The following SOX6 variants were observed in gnomAD, a reference collection of about 807,000 sequenced individuals.
The protein encoded by SOX6 is transcription factor SOX-6.
Under a neutral mutation model 97.8 loss-of-function variants are expected in SOX6, and 11 were observed. The observed-to-expected ratio is 0.11, with a 90% CI of 0.07 to 0.19. The LOEUF is 0.19. SOX6 is among the 10% of genes least tolerant of loss of function. The pLI is 1.00. For synonymous variants in SOX6, 360 were observed against 371.4 expected (o/e 0.97, Z 0.35); for missense variants, 810 against 1,039.5 (o/e 0.78, Z 3.04).
At chr11:16,124,395 T>A (rs1042545825) in intron 6 of SOX6, among the ~76,000 whole-genome samples, 2 of 151,918 alleles carry the variant, frequency 1.3e-5, no homozygotes, top group African/African-American at 4.8e-5. Context: ...ATAATAAATG[T>A]AAGTTGATAA....
chr11:16,124,497 T>A (rs1445152714), intron 6 of SOX6, among the ~76,000 whole-genome samples: 1 of 151,948 alleles, frequency 6.6e-6, no homozygotes, highest in Non-Finnish European at 1.5e-5. Flanking sequence ...CTATCTTGGA[T>A]AGGGATGGCC....
At chr11:16,521,189 C>T (rs554938254) in intron 4 of SOX6, among the ~76,000 whole-genome samples, 22 of 152,310 alleles carry the variant, frequency 1.4e-4, no homozygotes, top group Non-Finnish European at 2.9e-4. Flanking sequence ...CAAGTGGGTC[C>T]CTGACCCCTG....
intron 1 of SOX6, among the ~76,000 whole-genome samples, chr11:16,412,757 G>GC (rs1308927768): frequency 6.6e-6 from 1 of 152,170 alleles, no homozygotes; most frequent in Non-Finnish European, 1.5e-5. Flanking sequence ...TCTCAGGCAG[G>GC]CTCTCCCCTT....
intron 9 of SOX6, among the ~76,000 whole-genome samples, chr11:16,087,981 T>C (rs1441440067): frequency 1.4e-5 from 2 of 147,662 alleles, no homozygotes; most frequent in African/African-American, 4.9e-5. Flanking sequence ...AACCACACCC[T>C]TGTGGGACAG....
At chr11:16,478,896 G>A (rs1030643051), upstream of SOX6, among the ~76,000 whole-genome samples, 4 of 152,158 alleles carry the variant, frequency 2.6e-5, no homozygotes, top group East Asian at 3.8e-4. Flanking sequence ...AAATCATTAC[G>A]TGTTCTGGAA....
intron 15 of SOX6, among the ~76,000 whole-genome samples, chr11:15,980,156 C>T (rs1341622891): frequency 6.6e-6 from 1 of 151,888 alleles, no homozygotes; most frequent in East Asian, 1.9e-4. Context: ...AATGGTTATT[C>T]TCATAAATAA....
At chr11:16,136,150 C>G (rs1033815411) in intron 6 of SOX6, among the ~76,000 whole-genome samples, 3 of 152,124 alleles carry the variant, frequency 2.0e-5, no homozygotes, top group Non-Finnish European at 2.9e-5. Flanking sequence ...TCCCAAGTAG[C>G]TGGGACTACA....
chr11:16,417,350 T>G (rs1481219461), intron 1 of SOX6, among the ~76,000 whole-genome samples: 1 of 152,062 alleles, frequency 6.6e-6, no homozygotes, highest in Non-Finnish European at 1.5e-5. Flanking sequence ...TGCCACTAAT[T>G]CAGCAAAAAT....
intron 4 of SOX6, among the ~76,000 whole-genome samples, chr11:16,195,937 GA>G (rs1388308189): frequency 3.3e-5 from 5 of 152,126 alleles, no homozygotes; most frequent in African/African-American, 9.7e-5. Context: ...AGAAGTCTAG[GA>G]AGTGAGTCTA....
Position 16,433,013 on chromosome 11 carries a change from T to G in SOX6, c.-5+43302A>C, listed in dbSNP as rs181219663. The stretch of plus-strand genomic sequence containing the variant: ...AAGGTTTATAGGGCTACATGATTTC[T>G]GCTTTGGGATTCAAAATGACATATC... On this transcript the variant is annotated intron_variant, in intron 1 of 15. Coordinates refer to the SOX6 transcript ENST00000396356. 4.1e-4 allele frequency among the ~76,000 whole-genome samples: 62 copies of G among 152,184 alleles called. No individual in the cohort carries two copies. The East Asian group carries it at 0.01, about 25-fold the overall frequency.
At chr11:16,405,676 C>T (rs1858669763) in intron 1 of SOX6, among the ~76,000 whole-genome samples, 1 of 152,000 alleles carries the variant, frequency 6.6e-6, no homozygotes, top group South Asian at 2.1e-4. Context: ...GAACCATGCC[C>T]CAACAAAACC....
At chr11:16,029,104 G>A (rs1855288825) in intron 12 of SOX6, among the ~76,000 whole-genome samples, 1 of 152,280 alleles carries the variant, frequency 6.6e-6, no homozygotes, top group South Asian at 2.1e-4. Flanking sequence ...TGGTCTAAAA[G>A]CAAGTGCTTC....
chr11:16,302,714 C>G (rs939706283), intron 3 of SOX6, among the ~76,000 whole-genome samples: 1 of 151,602 alleles, frequency 6.6e-6, no homozygotes, highest in African/African-American at 2.4e-5. Flanking sequence ...GGATTACAGG[C>G]GTGCGCCACC....
At chr11:15,989,717 A>G (rs1167814227) in intron 13 of SOX6, among the ~76,000 whole-genome samples, 1 of 152,170 alleles carries the variant, frequency 6.6e-6, no homozygotes, top group Non-Finnish European at 1.5e-5. Context: ...TTCAACCTTC[A>G]ATCATGTTTC....
chr11:16,540,452 T>A (rs1267222998), intron 4 of SOX6, among the ~76,000 whole-genome samples: 1 of 152,022 alleles, frequency 6.6e-6, no homozygotes, highest in Non-Finnish European at 1.5e-5. Flanking sequence ...TTCAACATAG[T>A]GTTGGAAGTT....
chr11:16,047,944 T>C (rs1459793984), intron 11 of SOX6, among the ~76,000 whole-genome samples: 1 of 152,092 alleles, frequency 6.6e-6, no homozygotes, highest in Non-Finnish European at 1.5e-5. Flanking sequence ...AAAGGACATC[T>C]CTATCCAATA....
chr11:16,594,369 T>G (rs1423608640), intron 4 of SOX6, among the ~76,000 whole-genome samples: 1 of 152,190 alleles, frequency 6.6e-6, no homozygotes, highest in Non-Finnish European at 1.5e-5. Context: ...GATTTACTGT[T>G]ATCTGTAAAC....
At chr11:16,705,810 G>A (rs1327069107) in intron 3 of SOX6, among the ~76,000 whole-genome samples, 2 of 151,614 alleles carry the variant, frequency 1.3e-5, no homozygotes, top group African/African-American at 4.9e-5. Context: ...TAATCTCCAG[G>A]AAAATCACTA....
intron 12 of SOX6, among the ~76,000 whole-genome samples, chr11:16,016,645 T>A (rs1203224413): frequency 6.6e-6 from 1 of 152,110 alleles, no homozygotes; most frequent in African/African-American, 2.4e-5. Context: ...AAAGGACAGC[T>A]GCTTTTAATC....
Sources: gnomAD v4.1 joint callset for allele counts (sites outside exome capture counted in the v4.1 genomes callset) on GRCh38, gnomAD v4.1.1 for gene constraint, MANE v1.5 for transcripts, NCBI Gene and HGNC (gene_info 2026-07-23, HGNC 2026-07-21) for gene names.